UST: variants seen among roughly 807,000 people sequenced by gnomAD.
The protein encoded by UST is uronyl 2-sulfotransferase.
In UST, 21 loss-of-function variants were observed where a neutral mutation model predicts 45.6. The ratio of observed to expected loss-of-function variants is 0.46; its 90% CI spans 0.33 to 0.66. UST has a LOEUF of 0.66. Ranked by LOEUF, UST falls within the 30% of genes least tolerant of loss-of-function variation. UST has a pLI of 0.02. For missense variants in UST, 463 were observed against 512.4 expected (o/e 0.90, Z 0.93); for synonymous variants, 215 against 200.6 (o/e 1.07, Z -0.61).
At chr6:149,010,150 T>G (rs1415781625) in intron 5 of UST, among the ~76,000 whole-genome samples, 2 of 152,208 alleles carry the variant, frequency 1.3e-5, no homozygotes, top group African/African-American at 2.4e-5. Flanking sequence ...TACAATGACA[T>G]GTACTACAAG....
At chr6:148,769,285 T>C (rs878910228) in intron 1 of UST, among the ~76,000 whole-genome samples, 1 of 152,272 alleles carries the variant, frequency 6.6e-6, no homozygotes, top group Non-Finnish European at 1.5e-5. Flanking sequence ...TGGTCCTTTT[T>C]AATGTCTACA....
At chr6:148,982,878 A>T (rs1289344749) in intron 5 of UST, among the ~76,000 whole-genome samples, 1 of 152,170 alleles carries the variant, frequency 6.6e-6, no homozygotes, top group African/African-American at 2.4e-5. Context: ...CTGGGGCAAG[A>T]TATTATTTGT....
At chr6:148,950,997 G>C (rs1780352841) in intron 3 of UST, among the ~76,000 whole-genome samples, 1 of 152,218 alleles carries the variant, frequency 6.6e-6, no homozygotes, top group Non-Finnish European at 1.5e-5. Flanking sequence ...TTTAGCCAGA[G>C]GTGAAGAGTG....
intron 3 of UST, among the ~76,000 whole-genome samples, chr6:148,943,208 A>G (rs1465152945): frequency 6.6e-6 from 1 of 152,172 alleles, no homozygotes; most frequent in Non-Finnish European, 1.5e-5. Flanking sequence ...TATCTATGGG[A>G]TTACACTTAA....
intron 5 of UST, among the ~76,000 whole-genome samples, chr6:148,992,046 A>C (rs552941175): frequency 1.3e-5 from 2 of 152,316 alleles, no homozygotes; most frequent in South Asian, 4.2e-4. Flanking sequence ...GAATACCATG[A>C]CCTGTGGAAC....
At chr6:149,061,023 A>G (rs1465552040) in intron 7 of UST, among the ~76,000 whole-genome samples, 2 of 152,140 alleles carry the variant, frequency 1.3e-5, no homozygotes, top group African/African-American at 4.8e-5. Flanking sequence ...GTCAGCGCGG[A>G]GTGTGCATAC....
At chr6:149,049,484 G>A (rs570504791) in intron 7 of UST, among the ~76,000 whole-genome samples, 2 of 152,182 alleles carry the variant, frequency 1.3e-5, no homozygotes, top group Non-Finnish European at 2.9e-5. Flanking sequence ...TGGGTGGTGG[G>A]ATTATTAGTA....
chr6:148,897,073 G>T (rs1486491412), intron 2 of UST, among the ~76,000 whole-genome samples: 1 of 152,096 alleles, frequency 6.6e-6, no homozygotes, highest in Non-Finnish European at 1.5e-5. Flanking sequence ...TGGTAACTCA[G>T]TTTGCTATAA....
intron 7 of UST, among the ~76,000 whole-genome samples, chr6:149,060,936 T>G (rs1384643180): frequency 6.6e-6 from 1 of 152,180 alleles, no homozygotes; most frequent in African/African-American, 2.4e-5. Context: ...GTTATTAAAC[T>G]AGTATTTGTT....
chr6:148,910,286 A>G (rs1562296850), intron 2 of UST, among the ~76,000 whole-genome samples: 1 of 152,074 alleles, frequency 6.6e-6, no homozygotes, highest in Non-Finnish European at 1.5e-5. Flanking sequence ...GATAACAGGC[A>G]TGCACCACCA....
At chr6:148,949,046 T>C (rs149809941) in intron 3 of UST, among the ~76,000 whole-genome samples, 17,054 of 152,072 alleles carry the variant, frequency 0.11, 1,104 homozygotes, top group Middle Eastern at 0.13. Flanking sequence ...ATCCTAGCAC[T>C]TTGGCAGGCC....
At chr6:149,062,345 A>T (rs542646367) in intron 7 of UST, among the ~76,000 whole-genome samples, 330 of 152,352 alleles carry the variant, frequency 2.2e-3, no homozygotes, top group Middle Eastern at 6.8e-3. Context: ...AAAGTGAAGT[A>T]TGCATAGTCA....
At chr6:149,000,248 T>C (rs544461226) in intron 5 of UST, among the ~76,000 whole-genome samples, 24 of 152,272 alleles carry the variant, frequency 1.6e-4, no homozygotes, top group Middle Eastern at 3.4e-3. Context: ...GCTAGAGATA[T>C]ACAGAGGTGG....
chr6:148,929,680 G>T (rs1440594545), intron 2 of UST, among the ~76,000 whole-genome samples: 1 of 152,096 alleles, frequency 6.6e-6, no homozygotes, highest in Admixed American at 6.6e-5. Context: ...AGTTTCGTTG[G>T]GTTTTTGGTT....
chr6:148,827,648 C>T (rs768303558), intron 1 of UST, among the ~76,000 whole-genome samples: 52 of 149,776 alleles, frequency 3.5e-4, no homozygotes, highest in Admixed American at 6.7e-4. Context: ...TCTAAACTCC[C>T]GAAGAGAGGA....
intron 7 of UST, among the ~76,000 whole-genome samples, chr6:149,050,695 T>G (rs565999501): frequency 6.6e-6 from 1 of 152,360 alleles, no homozygotes; most frequent in African/African-American, 2.4e-5. Context: ...CTTTGGACTT[T>G]TCTTTGGATA....
chr6:148,836,553 G>A (rs943524458), intron 1 of UST, among the ~76,000 whole-genome samples: 1 of 152,172 alleles, frequency 6.6e-6, no homozygotes, highest in Non-Finnish European at 1.5e-5. Context: ...ACTTCTCTGA[G>A]CATTGGATTC....
At chr6:148,996,727 G>A (rs1310335933) in intron 5 of UST, among the ~76,000 whole-genome samples, 1 of 152,142 alleles carries the variant, frequency 6.6e-6, no homozygotes, top group Non-Finnish European at 1.5e-5. Context: ...GGGAAATTCT[G>A]TTTTAGTAGT....
chr6:149,011,067 C>T (rs113168388), intron 5 of UST, among the ~76,000 whole-genome samples: 80 of 51,250 alleles, frequency 1.6e-3, no homozygotes, highest in African/African-American at 8.3e-3. Context: ...ACTGGACTAG[C>T]GCTCCCAATG....
Sources: gnomAD v4.1 joint callset for allele counts (sites outside exome capture counted in the v4.1 genomes callset) on GRCh38, gnomAD v4.1.1 for gene constraint, MANE v1.5 for transcripts, NCBI Gene and HGNC (gene_info 2026-07-23, HGNC 2026-07-21) for gene names.